The following PKP4 variants were observed in gnomAD, a reference collection of about 807,000 sequenced individuals.
PKP4 encodes the protein plakophilin-4.
In PKP4, 90 loss-of-function variants were observed where a neutral mutation model predicts 145.1. The ratio of observed to expected loss-of-function variants is 0.62; its 90% CI spans 0.52 to 0.74. The LOEUF (loss-of-function observed/expected upper bound fraction) is 0.74. Ranked by LOEUF, PKP4 falls within the 30% of genes least tolerant of loss-of-function variation. The probability of loss-of-function intolerance (pLI) is 0.00; values close to 1 mark genes in which losing one functional copy is unlikely to be tolerated. For missense variants in PKP4, 1,340 were observed against 1,482.7 expected (o/e 0.90, Z 1.58); for synonymous variants, 563 against 577.2 (o/e 0.98, Z 0.35).
intron 20 of PKP4, among the ~76,000 whole-genome samples, chr2:158,677,765 G>T (rs1322469661): frequency 6.6e-6 from 1 of 152,154 alleles, no homozygotes; most frequent in South Asian, 2.1e-4. Context: ...TCAACACCAA[G>T]CTCTGGGCAA....
chr2:158,633,626 G>A (rs564949075), intron 8 of PKP4, among the ~76,000 whole-genome samples: 1 of 152,168 alleles, frequency 6.6e-6, no homozygotes, highest in Admixed American at 6.5e-5. Context: ...CAAAAGATAA[G>A]GATGGACTAC....
chr2:158,601,404 C>A (rs2105845809), intron 3 of PKP4, among the ~76,000 whole-genome samples: 1 of 152,066 alleles, frequency 6.6e-6, no homozygotes, highest in Middle Eastern at 3.4e-3. Flanking sequence ...TGGGTAATAC[C>A]AATCTCAGTG....
chr2:158,578,318 A>G (rs2048036290), intron 3 of PKP4: 1 of 166,712 alleles, frequency 6.0e-6, no homozygotes, highest in African/African-American at 2.4e-5. Flanking sequence ...GTATATTGAT[A>G]TGTTTGGTAA....
intron 1 of PKP4, among the ~76,000 whole-genome samples, chr2:158,481,847 C>G (rs1277468189): frequency 6.6e-6 from 1 of 152,132 alleles, no homozygotes; most frequent in Non-Finnish European, 1.5e-5. Context: ...CCACATAAGA[C>G]ATAAAAATAA....
intron 1 of PKP4, among the ~76,000 whole-genome samples, chr2:158,514,862 A>G (rs2041810050): frequency 6.6e-6 from 1 of 152,068 alleles, no homozygotes; most frequent in Non-Finnish European, 1.5e-5. Flanking sequence ...AATTACTTAA[A>G]CCCAGGAAGC....
intron 3 of PKP4, among the ~76,000 whole-genome samples, chr2:158,594,871 T>TGTG (rs1380886679): frequency 6.6e-6 from 1 of 152,124 alleles, no homozygotes; most frequent in African/African-American, 2.4e-5. Flanking sequence ...TGGTAGTGAA[T>TGTG]GTGGTGGTGG....
chr2:158,603,799 T>A (rs1361191745), intron 4 of PKP4, among the ~76,000 whole-genome samples: 3 of 152,202 alleles, frequency 2.0e-5, no homozygotes. Flanking sequence ...TAATCAGTAA[T>A]GTGAACAATG....
intron 2 of PKP4, among the ~76,000 whole-genome samples, chr2:158,535,592 A>AT (rs2043965377): frequency 6.6e-6 from 1 of 151,816 alleles, no homozygotes; most frequent in Non-Finnish European, 1.5e-5. Flanking sequence ...AGTTTTTAAT[A>AT]TTTTTTTGTA....
intron 2 of PKP4, 26 bp downstream of exon 2, chr2:158,533,342 G>T (rs1015834121): frequency 4.3e-6 from 7 of 1,612,832 alleles, no homozygotes; most frequent in Non-Finnish European, 5.9e-6. Context: ...GAAAGTTGCA[G>T]TGAATTATTT....
At chr2:158,506,218 T>C (rs955715987) in intron 1 of PKP4, among the ~76,000 whole-genome samples, 2 of 152,186 alleles carry the variant, frequency 1.3e-5, no homozygotes, top group Non-Finnish European at 2.9e-5. Flanking sequence ...TGCTCTGCAG[T>C]GCAGTCCTTG....
chr2:158,516,129 T>A (rs2041923115), intron 1 of PKP4, among the ~76,000 whole-genome samples: 1 of 152,028 alleles, frequency 6.6e-6, no homozygotes, highest in Admixed American at 6.6e-5. Flanking sequence ...AGGTTCTTTT[T>A]TTCATGATTT....
intron 2 of PKP4, among the ~76,000 whole-genome samples, chr2:158,563,988 T>C (rs1237567355): frequency 1.3e-5 from 2 of 152,232 alleles, no homozygotes; most frequent in Non-Finnish European, 2.9e-5. Context: ...TTTGTCCTGG[T>C]ACATGCAAAT....
intron 11 of PKP4, among the ~76,000 whole-genome samples, chr2:158,649,409 A>C (rs1167233857): frequency 6.6e-6 from 1 of 152,184 alleles, no homozygotes; most frequent in Admixed American, 6.5e-5. Context: ...GGAAAAGAAA[A>C]AAAGCCCCAC....
intron 11 of PKP4, 116 bp downstream of exon 11, chr2:158,642,815 T>C: frequency 1.5e-6 from 1 of 648,908 alleles, no homozygotes; most frequent in Non-Finnish European, 2.6e-6. Flanking sequence ...TAATGAGATA[T>C]ATATAGTGCT....
At chr2:158,584,589 A>C (rs558465803) in intron 3 of PKP4, among the ~76,000 whole-genome samples, 1 of 152,180 alleles carries the variant, frequency 6.6e-6, no homozygotes. Flanking sequence ...TGGGAGTCCT[A>C]AGCAGGAGGA....
rs572066018 is a variant in PKP4 at position 158,582,768 on chromosome 2, A to G, written c.245+5385A>G. On this transcript the variant is annotated intron_variant, in intron 3 of 21. Coordinates refer to ENST00000389759, the MANE Select transcript of PKP4 (RefSeq NM_003628.6). ...TCTTTCTTCCATTGTTAAATGGAAT[A>G]TAAATGGATGGAATAGCACCTTAAC... Among the ~76,000 whole-genome samples the G allele has an allele frequency of 3.3e-5, 5 of 152,344 alleles. No individual in the cohort carries two copies. The South Asian group carries it at 6.2e-4, about 19-fold the overall frequency.
intron 1 of PKP4, among the ~76,000 whole-genome samples, chr2:158,461,447 G>A (rs1689756895): frequency 6.6e-6 from 1 of 152,120 alleles, no homozygotes; most frequent in Non-Finnish European, 1.5e-5. Flanking sequence ...ATTCATTGCA[G>A]CTGATAAAAT....
chr2:158,644,531 C>T (rs2054643344), intron 11 of PKP4, among the ~76,000 whole-genome samples: 1 of 152,008 alleles, frequency 6.6e-6, no homozygotes, highest in Middle Eastern at 3.4e-3. Context: ...GCAGTACTCT[C>T]ACACAGTGAA....
intron 2 of PKP4, among the ~76,000 whole-genome samples, chr2:158,552,772 A>G (rs1187461410): frequency 1.3e-5 from 2 of 152,246 alleles, no homozygotes; most frequent in Non-Finnish European, 2.9e-5. Flanking sequence ...ACTGTAGTCT[A>G]TTACCTTATG....
Sources: allele counts gnomAD v4.1 joint callset (sites outside exome capture counted in the v4.1 genomes callset), GRCh38; gene constraint gnomAD v4.1.1; transcripts MANE v1.5; gene names NCBI Gene and HGNC (gene_info 2026-07-23, HGNC 2026-07-21).